Variants in PCDH15 observed in about 807,000 individuals in gnomAD.
PCDH15 encodes the protein protocadherin related 15.
Under a neutral mutation model 178.5 loss-of-function variants are expected in PCDH15, and 129 were observed. The ratio of observed to expected loss-of-function variants is 0.72; its 90% CI spans 0.63 to 0.84. PCDH15 has a LOEUF of 0.84. Ranked by LOEUF, PCDH15 falls within the 40% of genes least tolerant of loss-of-function variation. The pLI is 0.00. For missense variants in PCDH15, 2,230 were observed against 2,099.9 expected, an observed-to-expected ratio of 1.06 and a Z score of -1.21; for synonymous variants, 800 against 732.0, an observed-to-expected ratio of 1.09 and a Z score of -1.50.
intron 1 of PCDH15, among the ~76,000 whole-genome samples, chr10:54,702,803 C>T (rs1033810567): frequency 6.6e-6 from 1 of 152,020 alleles, no homozygotes; most frequent in African/African-American, 2.4e-5. Flanking sequence ...ATCATTTCTG[C>T]TGAAACTATT....
chr10:54,966,727 TC>T, intron 2 of PCDH15, among the ~76,000 whole-genome samples: 1 of 152,192 alleles, frequency 6.6e-6, no homozygotes, highest in Non-Finnish European at 1.5e-5. Context: ...ATAAGTGGTT[TC>T]CCCTTTCACT....
At chr10:55,497,972 G>A (rs72788823) in intron 2 of PCDH15, among the ~76,000 whole-genome samples, 7,112 of 151,858 alleles carry the variant, frequency 0.047, 263 homozygotes, top group Middle Eastern at 0.1. Flanking sequence ...TTTACCTACG[G>A]ATATGTATAA....
chr10:55,478,366 G>A (rs139874360), intron 2 of PCDH15, among the ~76,000 whole-genome samples: 115 of 151,718 alleles, frequency 7.6e-4, no homozygotes, highest in African/African-American at 2.6e-3. Context: ...TGCAGGATAC[G>A]TGAAAATTAA....
intron 1 of PCDH15, among the ~76,000 whole-genome samples, chr10:55,270,334 A>G (rs1842409632): frequency 6.6e-6 from 1 of 152,140 alleles, no homozygotes; most frequent in Admixed American, 6.5e-5. Context: ...AGAAAATATC[A>G]TACAGTAGAC....
At chr10:54,216,341 A>C (rs746455984) in intron 9 of PCDH15, among the ~76,000 whole-genome samples, 38 of 152,100 alleles carry the variant, frequency 2.5e-4, no homozygotes, top group Non-Finnish European at 4.9e-4. Context: ...CTGTAATCCC[A>C]GCTACTCGGG....
chr10:54,698,447 C>T (rs1051075763), intron 1 of PCDH15, among the ~76,000 whole-genome samples: 17 of 151,984 alleles, frequency 1.1e-4, no homozygotes, highest in South Asian at 1.0e-3. Context: ...AGAAGGATTC[C>T]GAGGGTGTCT....
chr10:53,828,838 T>G (rs888151454), intron 30 of PCDH15, among the ~76,000 whole-genome samples: 3 of 152,156 alleles, frequency 2.0e-5, no homozygotes, highest in African/African-American at 7.2e-5. Context: ...AAAACTGGAT[T>G]AAAATGTAAA....
chr10:54,455,096 T>G (rs2076733954), intron 3 of PCDH15, among the ~76,000 whole-genome samples: 1 of 152,164 alleles, frequency 6.6e-6, no homozygotes, highest in Non-Finnish European at 1.5e-5. Flanking sequence ...AAGAAGAATG[T>G]GTTTACTTCC....
intron 25 of PCDH15, chr10:53,906,977 G>T (rs374727783): frequency 6.6e-6 from 1 of 151,992 alleles, no homozygotes; most frequent in African/African-American, 2.4e-5. Context: ...ATAAGAAATT[G>T]TAGTGTGTCT....
intron 2 of PCDH15, among the ~76,000 whole-genome samples, chr10:54,983,434 A>G (rs1839289501): frequency 6.6e-6 from 1 of 152,162 alleles, no homozygotes; most frequent in African/African-American, 2.4e-5. Flanking sequence ...TGCTGACATC[A>G]TGCATGGTGA....
intron 9 of PCDH15, among the ~76,000 whole-genome samples, chr10:54,222,834 AT>A (rs921423398): frequency 2.0e-5 from 3 of 152,200 alleles, no homozygotes; most frequent in Non-Finnish European, 4.4e-5. Context: ...TTTTTATTAA[AT>A]TGTGTTTTCA....
chr10:54,266,101 A>T (rs969757326), intron 8 of PCDH15, among the ~76,000 whole-genome samples: 3 of 151,790 alleles, frequency 2.0e-5, no homozygotes, highest in Non-Finnish European at 4.4e-5. Context: ...ACAGTAGAAT[A>T]AAAATAAAAA....
rs141288613 is a variant in PCDH15 at position 54,234,442 on chromosome 10, C to T, written c.985+2381G>A. Reference sequence around the variant, plus strand: ...GTGGCTCACGCCTGTAATCCCAGAACTTAGGGAGGCTAAGGTGGGAGGATC... The same window carrying T: ...GTGGCTCACGCCTGTAATCCCAGAATTTAGGGAGGCTAAGGTGGGAGGATC... On this transcript the variant is annotated intron_variant, in intron 9 of 37. Coordinates refer to ENST00000644397, the MANE Select transcript of PCDH15 (RefSeq NM_001384140.1). 4.5e-3 allele frequency among the ~76,000 whole-genome samples: 684 copies of T among 152,112 alleles called. 5 individuals carry two copies. The highest frequency in any genetic ancestry group is 0.015 in the African/African-American group (626 of 41,474).
At chr10:55,026,207 C>A (rs1481688980) in intron 2 of PCDH15, among the ~76,000 whole-genome samples, 1 of 151,696 alleles carries the variant, frequency 6.6e-6, no homozygotes. Context: ...TAATTATATA[C>A]AAAATAGATT....
intron 10 of PCDH15, among the ~76,000 whole-genome samples, chr10:54,209,650 T>C (rs989044930): frequency 2.0e-5 from 3 of 152,092 alleles, no homozygotes; most frequent in African/African-American, 7.2e-5. Context: ...TAGGAGTAGT[T>C]ATCCAACCAA....
chr10:54,254,734 G>A (rs760102556), intron 8 of PCDH15, among the ~76,000 whole-genome samples: 2 of 152,144 alleles, frequency 1.3e-5, no homozygotes, highest in Non-Finnish European at 2.9e-5. Flanking sequence ...TTTTGTCCTT[G>A]TAGTAGAGGT....
chr10:54,250,070 C>T (rs1181217098), intron 8 of PCDH15, among the ~76,000 whole-genome samples: 2 of 141,810 alleles, frequency 1.4e-5, no homozygotes, highest in African/African-American at 3.0e-5. Flanking sequence ...CATGCCACCA[C>T]ATCCGGCTTT....
At chr10:55,341,770 T>TATAC (rs1554854812) in intron 2 of PCDH15, among the ~76,000 whole-genome samples, 2 of 13,064 alleles carry the variant, frequency 1.5e-4, no homozygotes, top group Non-Finnish European at 3.2e-4. Context: ...TGCATATATA[T>TATAC]ATATATATAT....
chr10:53,862,181 A>G (rs2079148641), intron 27 of PCDH15, among the ~76,000 whole-genome samples: 1 of 151,914 alleles, frequency 6.6e-6, no homozygotes, highest in Non-Finnish European at 1.5e-5. Flanking sequence ...TCTCCCGAGT[A>G]TCTGGGATTA....
Sources: gnomAD v4.1 joint callset for allele counts (sites outside exome capture counted in the v4.1 genomes callset) on GRCh38, gnomAD v4.1.1 for gene constraint, MANE v1.5 for transcripts, NCBI Gene and HGNC (gene_info 2026-07-23, HGNC 2026-07-21) for gene names.